DGKB: variants seen among roughly 807,000 people sequenced by gnomAD.
DGKB encodes the protein diacylglycerol kinase beta.
DGKB carries 67 observed loss-of-function variants against 114.3 expected under a neutral mutation model. The observed-to-expected ratio is 0.59, with a 90% confidence interval of 0.48 to 0.72. The LOEUF is 0.72. DGKB is among the 30% of genes least tolerant of loss of function. The pLI is 0.00. For missense variants in DGKB, 907 were observed against 975.2 expected, an observed-to-expected ratio of 0.93 and a Z score of 0.93; for synonymous variants, 398 against 323.1, an observed-to-expected ratio of 1.23 and a Z score of -2.49.
At chr7:14,849,137 G>C (rs1849015250) in intron 1 of DGKB, among the ~76,000 whole-genome samples, 1 of 151,978 alleles carries the variant, frequency 6.6e-6, no homozygotes, top group East Asian at 1.9e-4. Flanking sequence ...AGATTATTTA[G>C]GAAATGTGGA....
chr7:14,202,635 ATAT>A (rs1234310873), intron 23 of DGKB, among the ~76,000 whole-genome samples: 2 of 152,148 alleles, frequency 1.3e-5, no homozygotes, highest in African/African-American at 4.8e-5. Flanking sequence ...ATATAAAAAA[ATAT>A]TATATAGAAC....
intron 21 of DGKB, among the ~76,000 whole-genome samples, chr7:14,454,577 T>G (rs1832006419): frequency 6.6e-6 from 1 of 152,130 alleles, no homozygotes; most frequent in Non-Finnish European, 1.5e-5. Flanking sequence ...ACACGATCTT[T>G]GCATTATATA....
chr7:14,337,745 A>G (rs1440342840), intron 23 of DGKB, among the ~76,000 whole-genome samples: 2 of 152,192 alleles, frequency 1.3e-5, no homozygotes, highest in African/African-American at 2.4e-5. Context: ...CAATGTCATC[A>G]GTAGTATTAG....
At chr7:14,604,412 T>C (rs1290892375) in intron 17 of DGKB, among the ~76,000 whole-genome samples, 1 of 152,138 alleles carries the variant, frequency 6.6e-6, no homozygotes, top group Non-Finnish European at 1.5e-5. Context: ...AGAAGAGTTG[T>C]ATACCAAAAG....
intron 1 of DGKB, among the ~76,000 whole-genome samples, chr7:14,863,756 G>C (rs906995222): frequency 6.6e-6 from 1 of 151,994 alleles, no homozygotes; most frequent in South Asian, 2.1e-4. Context: ...CATGTTTTTT[G>C]TGGTAAGAAT....
intron 23 of DGKB, among the ~76,000 whole-genome samples, chr7:14,179,291 C>T (rs997335293): frequency 6.6e-6 from 1 of 152,214 alleles, no homozygotes; most frequent in African/African-American, 2.4e-5. Flanking sequence ...ACTCAGAGTG[C>T]TGAGACCCTT....
intron 2 of DGKB, among the ~76,000 whole-genome samples, chr7:14,803,392 T>A (rs1162046957): frequency 3.9e-5 from 6 of 152,192 alleles, no homozygotes; most frequent in African/African-American, 1.4e-4. Flanking sequence ...CTAATATTAT[T>A]ATACCAGTTA....
At position 14,622,586 on chromosome 7, in the gene DGKB, G is replaced by C. The variant is rs528393336; in HGVS notation, c.1168-1092C>G. Among the ~76,000 whole-genome samples, 57 of 152,154 alleles carry C rather than the reference G, an allele frequency of 3.7e-4. 1 individual carries two copies. In the South Asian group the frequency reaches 0.01, roughly 28 times the overall value. On this transcript the variant is annotated intron_variant, in intron 14 of 25. Transcript: ENST00000402815. ...AAATTTCCTGCCTACTCTGTCCCTA[G>C]AAAATAAATCTCAAACTGGATGACA...
At chr7:14,885,189 A>T (rs111948907) in intron 1 of DGKB, among the ~76,000 whole-genome samples, 1 of 151,968 alleles carries the variant, frequency 6.6e-6, no homozygotes, top group Admixed American at 6.6e-5. Context: ...AAAGGAGAGA[A>T]TATCTACATG....
chr7:14,213,713 T>C (rs1404650440), intron 23 of DGKB, among the ~76,000 whole-genome samples: 12 of 152,138 alleles, frequency 7.9e-5, no homozygotes, highest in African/African-American at 2.4e-4. Flanking sequence ...GTTGCTGTTA[T>C]TGCTCTGAGT....
intron 23 of DGKB, among the ~76,000 whole-genome samples, chr7:14,230,624 T>G (rs1791568386): frequency 6.6e-6 from 1 of 152,062 alleles, no homozygotes; most frequent in African/African-American, 2.4e-5. Context: ...CACATTTTAT[T>G]ATGACTCTAT....
chr7:14,331,262 A>T (rs1327761037), intron 23 of DGKB, among the ~76,000 whole-genome samples: 4 of 152,050 alleles, frequency 2.6e-5, no homozygotes, highest in Admixed American at 6.6e-5. Context: ...GAAATGCAAC[A>T]TCTCAAACGC....
At chr7:14,762,865 G>C (rs1027982517) in intron 2 of DGKB, among the ~76,000 whole-genome samples, 2 of 152,050 alleles carry the variant, frequency 1.3e-5, no homozygotes, top group African/African-American at 4.8e-5. Context: ...ATAATGATAG[G>C]GATCTGGCAA....
At chr7:14,577,452 C>T (rs909404959) in intron 19 of DGKB, among the ~76,000 whole-genome samples, 1 of 152,204 alleles carries the variant, frequency 6.6e-6, no homozygotes, top group African/African-American at 2.4e-5. Flanking sequence ...CCTGTCTCTA[C>T]TAAAAGTACA....
chr7:14,159,052 G>A (rs984493419), intron 25 of DGKB, among the ~76,000 whole-genome samples: 1 of 151,840 alleles, frequency 6.6e-6, no homozygotes, highest in Non-Finnish European at 1.5e-5. Context: ...TCTTGTCACC[G>A]TGCACATCTA....
intron 23 of DGKB, among the ~76,000 whole-genome samples, chr7:14,258,829 G>A (rs1488831550): frequency 2.0e-5 from 3 of 152,110 alleles, no homozygotes; most frequent in African/African-American, 4.8e-5. Flanking sequence ...CCTAGGGTAC[G>A]TGTGTTGCTT....
intron 23 of DGKB, among the ~76,000 whole-genome samples, chr7:14,294,039 T>A (rs2128476210): frequency 6.6e-6 from 1 of 152,294 alleles, no homozygotes; most frequent in Admixed American, 6.5e-5. Flanking sequence ...GCAAGCTCCA[T>A]TTCTTTCTGG....
At chr7:14,302,400 T>C (rs1803715918) in intron 23 of DGKB, among the ~76,000 whole-genome samples, 1 of 152,134 alleles carries the variant, frequency 6.6e-6, no homozygotes. Flanking sequence ...ACCTGTGTGC[T>C]GTATTTATAC....
intron 21 of DGKB, among the ~76,000 whole-genome samples, chr7:14,390,541 T>G (rs1403341407): frequency 2.0e-5 from 3 of 152,208 alleles, no homozygotes; most frequent in Non-Finnish European, 1.5e-5. Context: ...GAATAATTTA[T>G]TTTGAGCTAT....
Sources: gnomAD v4.1 joint callset for allele counts (sites outside exome capture counted in the v4.1 genomes callset) on GRCh38, gnomAD v4.1.1 for gene constraint, MANE v1.5 for transcripts, NCBI Gene and HGNC (gene_info 2026-07-23, HGNC 2026-07-21) for gene names.